RTF1: variants seen among roughly 807,000 people sequenced by gnomAD.
RTF1 encodes the protein RNA polymerase-associated protein RTF1 homolog.
Under a neutral mutation model 95.7 loss-of-function variants are expected in RTF1, and 10 were observed. The observed-to-expected ratio is 0.10, with a 90% CI of 0.06 to 0.18. The LOEUF is 0.18. Among genes scored for constraint, RTF1 ranks in the 10% least tolerant of loss-of-function variants. The pLI is 1.00. For missense variants in RTF1, 458 were observed against 875.6 expected, an observed-to-expected ratio of 0.52 and a Z score of 6.02; for synonymous variants, 305 against 311.8, an observed-to-expected ratio of 0.98 and a Z score of 0.23.
intron 9 of RTF1, 139 bp downstream of exon 9, chr15:41,474,841 G>C (rs1179229385): frequency 7.1e-6 from 5 of 700,376 alleles, no homozygotes; most frequent in African/African-American, 1.8e-5. Context: ...CTTGGAGGGA[G>C]ACTTGTATTC....
chr15:41,469,806 T>C (rs1405691558), intron 6 of RTF1, among the ~76,000 whole-genome samples: 1 of 152,182 alleles, frequency 6.6e-6, no homozygotes, highest in Non-Finnish European at 1.5e-5. Context: ...ATTACAGGCG[T>C]AAGCCACCGC....
chr15:41,480,490 C>A, intron 17 of RTF1, 91 bp from the exon 18 acceptor site: 1 of 1,053,056 alleles, frequency 9.5e-7, no homozygotes, highest in Middle Eastern at 2.3e-4. Context: ...GGGAACAGGG[C>A]CACAGTCAGG....
intron 6 of RTF1, among the ~76,000 whole-genome samples, chr15:41,466,489 T>G (rs570965699): frequency 1.3e-5 from 2 of 152,352 alleles, no homozygotes; most frequent in South Asian, 4.1e-4. Context: ...CATTATTATA[T>G]TTTAACCATA....
chr15:41,436,297 A>G (rs1322096349), intron 1 of RTF1, among the ~76,000 whole-genome samples: 1 of 151,142 alleles, frequency 6.6e-6, no homozygotes, highest in African/African-American at 2.4e-5. Flanking sequence ...TAAAAAAAAA[A>G]AAAAAAAAAA....
chr15:41,446,568 A>ATT (rs570834373), intron 2 of RTF1, among the ~76,000 whole-genome samples: 6 of 115,978 alleles, frequency 5.2e-5, no homozygotes, highest in African/African-American at 6.9e-5. Context: ...AAAAAAAAAA[A>ATT]ATTATTTTCA....
chr15:41,417,713 G>A (rs150029442), intron 1 of RTF1, among the ~76,000 whole-genome samples: 1 of 152,358 alleles, frequency 6.6e-6, no homozygotes, highest in Non-Finnish European at 1.5e-5. Flanking sequence ...AGGTGCAAGG[G>A]TGCGCGTCGA....
rs1042515880 is a variant in RTF1, at chr15:41,479,316, G to A, written c.1914+118G>A. 7 of 646,244 alleles carry A rather than the reference G, an allele frequency of 1.1e-5. No individual in the cohort carries two copies. The East Asian group carries it at 2.0e-4, about 19-fold the overall frequency. 40.0% of individuals were successfully genotyped at this position (646,244 alleles called of 1,614,324 possible). On this transcript the variant is annotated intron_variant, in intron 16 of 17. Transcript: ENST00000389629. ...CCTTGAGGAACAGGGAGTCCCTCTT[G>A]GAGTCCCTTCTCCATCCCAGTTATT...
rs780146659 is a variant in RTF1 at position 41,417,145 on chromosome 15, A to AGCGGCG, written c.42_47dup (p.Ala15_Ala16dup). The AGCGGCG allele has an allele frequency of 4.3e-4, 545 of 1,258,372 alleles. No individual in the cohort carries two copies. Among genetic ancestry groups the AGCGGCG allele is most frequent in the Non-Finnish European group, 4.6e-4 (455 of 997,504 alleles). The allele number at this position is 1,258,372 out of a possible 1,614,324, so 78.0% of individuals were successfully genotyped here. A position where few individuals can be genotyped will look rare whatever the true frequency, so the allele number is the denominator to read the frequency against. The stretch of plus-strand genomic sequence containing the variant: ...GCGGTCGCCTTTGTGTGGGTCGAGC[A>AGCGGCG]GCGGCGGCGGCGGCGGCAGTGGCGG... On this transcript the variant is annotated inframe_insertion, in exon 1 of 18. Coordinates refer to ENST00000389629, the MANE Select transcript of RTF1 (RefSeq NM_015138.5).
At chr15:41,429,516 C>T (rs2050657973) in intron 1 of RTF1, among the ~76,000 whole-genome samples, 1 of 151,806 alleles carries the variant, frequency 6.6e-6, no homozygotes, top group Admixed American at 6.6e-5. Flanking sequence ...TCCCCTGCTT[C>T]AAACCATTTG....
chr15:41,459,160 C>G lies in RTF1; in HGVS notation c.662+1284C>G, dbSNP rs536735725. Among the ~76,000 whole-genome samples, 4 of 152,248 alleles carry G rather than the reference C, an allele frequency of 2.6e-5. No individual in the cohort carries two copies. The East Asian group carries it at 7.7e-4, about 29-fold the overall frequency. On this transcript the variant is annotated intron_variant, in intron 4 of 17. Transcript: ENST00000389629. ...CTTTGGGAGGCTGAGGTGGGTGGATCAGTTGATTCCAGGAATTCAAGACCA... is the reference window on the plus strand; with the variant it reads ...CTTTGGGAGGCTGAGGTGGGTGGATGAGTTGATTCCAGGAATTCAAGACCA...
chr15:41,474,868 G>A (rs1173697039), intron 9 of RTF1, among the ~76,000 whole-genome samples, 166 bp downstream of exon 9: 1 of 152,158 alleles, frequency 6.6e-6, no homozygotes, highest in Non-Finnish European at 1.5e-5. Context: ...TGTCTATAGG[G>A]AAGGTAGGAT....
At chr15:41,459,046 T>A (rs2050833284) in intron 4 of RTF1, among the ~76,000 whole-genome samples, 1 of 151,850 alleles carries the variant, frequency 6.6e-6, no homozygotes, top group Admixed American at 6.6e-5. Context: ...GACTCCAGCC[T>A]GGGCGACAGA....
At chr15:41,467,728 C>T (rs1202195248) in intron 6 of RTF1, among the ~76,000 whole-genome samples, 1 of 149,692 alleles carries the variant, frequency 6.7e-6, no homozygotes, top group East Asian at 2.0e-4. Flanking sequence ...AAAAAAACAA[C>T]AAAAGATAAT....
At position 41,481,011 on chromosome 15, in the gene RTF1, T is replaced by G; in HGVS notation, c.*324T>G. 4.0e-6 allele frequency: 1 copy of G among 249,488 alleles called. No homozygotes were observed. The highest frequency in any genetic ancestry group is 8.4e-5 in the East Asian group (1 of 11,870). The allele number at this position is 249,488 out of a possible 1,614,324, so 15.5% of individuals were successfully genotyped here. A position where few individuals can be genotyped will look rare whatever the true frequency, so the allele number is the denominator to read the frequency against. ...TGGCCACTCTGCACGCATTCAGTATTACCATGGAGCTGGGAATCTTGCTGG... is the reference window on the plus strand; with the variant it reads ...TGGCCACTCTGCACGCATTCAGTATGACCATGGAGCTGGGAATCTTGCTGG... On this transcript the variant is annotated 3_prime_UTR_variant, in exon 18 of 18. Transcript: ENST00000389629.
intron 1 of RTF1, 121 bp downstream of exon 1, chr15:41,417,434 G>C (rs1030018078): frequency 2.2e-5 from 18 of 834,568 alleles, no homozygotes; most frequent in Non-Finnish European, 2.7e-5. Flanking sequence ...CCGTGCCCTG[G>C]GCACCACTAC....
At chr15:41,434,760 T>C (rs548687405) in intron 1 of RTF1, among the ~76,000 whole-genome samples, 153 of 151,274 alleles carry the variant, frequency 1.0e-3, no homozygotes, top group Non-Finnish European at 2.1e-3. Context: ...CCCGAGTAGC[T>C]GGGATTACAG....
rs2050981488 is a variant in RTF1 at position 41,482,355 on chromosome 15, G to A, written c.*1668G>A. On this transcript the variant is annotated 3_prime_UTR_variant, in exon 18 of 18. Coordinates refer to ENST00000389629, the MANE Select transcript of RTF1 (RefSeq NM_015138.5). Reference sequence around the variant, plus strand: ...AGCTAAGCTAAAGGAACAGCTGAGAGCTCCGATCTCCACGAGAGACTAATC... The same window carrying A: ...AGCTAAGCTAAAGGAACAGCTGAGAACTCCGATCTCCACGAGAGACTAATC... The A allele has an allele frequency of 6.6e-6, 1 of 152,540 alleles. No homozygotes were observed. The highest frequency in any genetic ancestry group is 2.4e-5 in the African/African-American group (1 of 41,410). 9.4% of individuals were successfully genotyped at this position (152,540 alleles called of 1,614,324 possible). A position where few individuals can be genotyped will look rare whatever the true frequency, so the allele number is the denominator to read the frequency against.
intron 1 of RTF1, among the ~76,000 whole-genome samples, chr15:41,432,098 C>T (rs190596645): frequency 1.3e-5 from 2 of 151,850 alleles, no homozygotes; most frequent in African/African-American, 4.8e-5. Flanking sequence ...TGTGCCTGGC[C>T]ATACTATTGT....
Position 41,480,918 on chromosome 15 carries a change from C to T in RTF1, c.*231C>T, listed in dbSNP as rs369637760. 4 of 545,484 alleles carry T rather than the reference C, an allele frequency of 7.3e-6. No homozygotes were observed. The highest frequency in any genetic ancestry group is 1.3e-5 in the Non-Finnish European group (4 of 304,420). 33.8% of individuals were successfully genotyped at this position (545,484 alleles called of 1,614,324 possible). A position where few individuals can be genotyped will look rare whatever the true frequency, so the allele number is the denominator to read the frequency against. ...GGGCCCCACCCAGTGTGGGCCTGGG[C>T]TCTCTTGGGCTTTATCCATGTCTTT... On this transcript the variant is annotated 3_prime_UTR_variant, in exon 18 of 18. Coordinates refer to ENST00000389629, the MANE Select transcript of RTF1 (RefSeq NM_015138.5).
Sources: allele counts gnomAD v4.1 joint callset (sites outside exome capture counted in the v4.1 genomes callset), GRCh38; gene constraint gnomAD v4.1.1; transcripts MANE v1.5; gene names NCBI Gene and HGNC (gene_info 2026-07-23, HGNC 2026-07-21).